The following SYTL2 variants were observed in gnomAD, a reference collection of about 807,000 sequenced individuals.
SYTL2 encodes the protein synaptotagmin-like protein 2.
Under a neutral mutation model 198.7 loss-of-function variants are expected in SYTL2, and 165 were observed. The observed-to-expected ratio is 0.83, with a 90% CI of 0.73 to 0.94. SYTL2 has a LOEUF of 0.94. SYTL2 is among the 40% of genes least tolerant of loss of function. The probability of loss-of-function intolerance (pLI) is 0.00; values close to 1 mark genes in which losing one functional copy is unlikely to be tolerated. For synonymous variants in SYTL2, 966 were observed against 917.7 expected (o/e 1.05, Z -0.95); for missense variants, 2,835 against 2,582.8 (o/e 1.10, Z -2.12).
At chr11:85,814,216 G>C (rs2093058919), upstream of SYTL2, among the ~76,000 whole-genome samples, 2 of 152,178 alleles carry the variant, frequency 1.3e-5, no homozygotes, top group Admixed American at 6.5e-5. Context: ...GCCTCTGCCT[G>C]CCTCTCTGCA....
At chr11:85,718,921 C>A (rs970981069) in intron 9 of SYTL2, 78 bp from the exon 10 acceptor site, 7 of 1,574,568 alleles carry the variant, frequency 4.4e-6, no homozygotes, top group Non-Finnish European at 6.0e-6. Context: ...TCCCTGGAAG[C>A]CCCCGGAGTT....
At chr11:85,791,118 G>A (rs2092722316) in intron 1 of SYTL2, among the ~76,000 whole-genome samples, 1 of 113,038 alleles carries the variant, frequency 8.8e-6, no homozygotes, top group Non-Finnish European at 1.6e-5. Context: ...AATGAGCCAA[G>A]ATCACGCCAC....
At chr11:85,760,468 A>G (rs1451384351) in intron 1 of SYTL2, among the ~76,000 whole-genome samples, 1 of 152,212 alleles carries the variant, frequency 6.6e-6, no homozygotes, top group Admixed American at 6.5e-5. Flanking sequence ...TGATTCAAAT[A>G]TACAATATCA....
In SYTL2 at chr11:85,724,647, GT is replaced by G; in HGVS notation, c.4710del (p.Lys1570AsnfsTer6). On this transcript the variant is annotated frameshift_variant, in exon 8 of 20. Coordinates refer to ENST00000359152, the MANE Select transcript of SYTL2 (RefSeq NM_206927.4). LOFTEE classifies it high-confidence loss of function. ...TESAFDAGFE[K>X]LLKEITEAPP... ...GGAGCTTCAGTTATTTCTTTAAGAAGTTTCTCAAAACCAGCATCAAAAGCAC... is the reference window on the plus strand; with the variant it reads ...GGAGCTTCAGTTATTTCTTTAAGAAGTTCTCAAAACCAGCATCAAAAGCAC... 2 of 1,613,492 alleles carry G rather than the reference GT, an allele frequency of 1.2e-6. No individual in the cohort carries two copies. Among genetic ancestry groups the G allele is most frequent in the Non-Finnish European group, 1.7e-6 (2 of 1,179,842 alleles).
chr11:85,701,213 G>A (rs1160705700), intron 16 of SYTL2, among the ~76,000 whole-genome samples: 3 of 152,114 alleles, frequency 2.0e-5, no homozygotes, highest in Non-Finnish European at 4.4e-5. Context: ...TTTGAAATTC[G>A]TAATATTTGC....
intron 14 of SYTL2, among the ~76,000 whole-genome samples, chr11:85,708,647 T>G (rs1326560290): frequency 6.6e-6 from 1 of 152,198 alleles, no homozygotes; most frequent in East Asian, 1.9e-4. Flanking sequence ...CCTAATTTTG[T>G]AAAAAGTTTG....
chr11:85,757,555 C>A lies in SYTL2; in HGVS notation c.101+70G>T, dbSNP rs554171622. On this transcript the variant is annotated intron_variant, in intron 2 of 19. Coordinates refer to ENST00000359152, the MANE Select transcript of SYTL2 (RefSeq NM_206927.4). ...AACTACCACTTATAGTTGAAAAAAA[C>A]CCCAGTGTCCTATTTTCGTACAGAC... is the stretch of plus-strand genomic sequence containing the variant. The A allele has an allele frequency of 5.8e-5, 90 of 1,547,114 alleles. 1 individual carries two copies. In the African/African-American group the frequency reaches 6.5e-4, roughly 11 times the overall value.
chr11:85,725,565 C>T lies in SYTL2; in HGVS notation c.3793G>A (p.Glu1265Lys), dbSNP rs753514066. The T allele has an allele frequency of 1.9e-6, 3 of 1,614,080 alleles. No homozygotes were observed. The Admixed American group carries it at 5.0e-5, about 27-fold the overall frequency. ...CTCACTGGAAAAGGAGCTAGTATTT[C>T]TCTCTTATCAGCTGAAGTATTGTGA... Reference protein sequence around the residue: ...QSHNTSADKREILAPFPVRDE... With the variant: ...QSHNTSADKRKILAPFPVRDE... The change falls in exon 8 of 20, where the codon GAA becomes AAA. Residue 1265 changes from glutamate to lysine, a missense_variant. By Grantham distance (56) the Glu-to-Lys change is moderately conservative (BLOSUM62 1). This residue lies in a region of SYTL2 where 2,645 missense variants were observed against 2,381.7 expected (regional missense o/e 1.11). Transcript: ENST00000359152.
At chr11:85,812,157 A>C (rs2093043132), upstream of SYTL2, among the ~76,000 whole-genome samples, 1 of 152,198 alleles carries the variant, frequency 6.6e-6, no homozygotes, top group Non-Finnish European at 1.5e-5. Flanking sequence ...TATTTTTTAC[A>C]AGTTACCCAT....
At chr11:85,707,386 G>T (rs756163516) in intron 15 of SYTL2, 43 bp downstream of exon 15, 2 of 1,353,542 alleles carry the variant, frequency 1.5e-6, no homozygotes, top group Non-Finnish European at 2.1e-6. Flanking sequence ...ATGGTAAACA[G>T]GTCACCATCT....
In SYTL2 at chr11:85,731,269, T is replaced by G. The variant is rs530172198; in HGVS notation, c.1390+2670A>C. On this transcript the variant is annotated intron_variant, in intron 7 of 19. Coordinates refer to ENST00000359152, the MANE Select transcript of SYTL2 (RefSeq NM_206927.4). ...ATGTGGAACCAAAAAAGAGGTTGCA[T>G]AGCCAACACGTTCCTAAGCAAAAAG... Among the ~76,000 whole-genome samples, 8 of 152,318 alleles carry G rather than the reference T, an allele frequency of 5.3e-5. No individual in the cohort carries two copies. In the South Asian group the frequency reaches 1.7e-3, roughly 32 times the overall value.
chr11:85,791,188 A>AC (rs2092725476), intron 1 of SYTL2, among the ~76,000 whole-genome samples: 1 of 150,852 alleles, frequency 6.6e-6, no homozygotes, highest in Non-Finnish European at 1.5e-5. Context: ...AAAAAAAAAA[A>AC]AAAAAAACAA....
intron 1 of SYTL2, among the ~76,000 whole-genome samples, chr11:85,759,892 A>G (rs2092045559): frequency 6.6e-6 from 1 of 152,184 alleles, no homozygotes; most frequent in South Asian, 2.1e-4. Context: ...TAACTTCCAT[A>G]CCCCAAGTTA....
At chr11:85,762,177 A>T (rs1170180940) in intron 1 of SYTL2, among the ~76,000 whole-genome samples, 2 of 152,196 alleles carry the variant, frequency 1.3e-5, no homozygotes, top group African/African-American at 4.8e-5. Flanking sequence ...TTCTCTGCTT[A>T]AGTATAAGAG....
At chr11:85,697,564 T>C (rs1190769990) in intron 18 of SYTL2, among the ~76,000 whole-genome samples, 1 of 152,210 alleles carries the variant, frequency 6.6e-6, no homozygotes, top group Non-Finnish European at 1.5e-5. Flanking sequence ...TCCAAATATC[T>C]GCAGTCTCAT....
At chr11:85,794,713 T>C (rs2092778220) in intron 1 of SYTL2, among the ~76,000 whole-genome samples, 1 of 152,132 alleles carries the variant, frequency 6.6e-6, no homozygotes, top group East Asian at 1.9e-4. Context: ...AAAAAATCAT[T>C]ATATTGCTGG....
At chr11:85,718,250 G>A in intron 10 of SYTL2, 1 of 164,012 alleles carries the variant, frequency 6.1e-6, no homozygotes, top group Admixed American at 5.7e-5. Context: ...CCACTGACAA[G>A]CTTCAAGATC....
At chr11:85,815,886 G>A (rs529896133), upstream of SYTL2, among the ~76,000 whole-genome samples, 1 of 152,274 alleles carries the variant, frequency 6.6e-6, no homozygotes, top group South Asian at 2.1e-4. Context: ...AAAACTGGCT[G>A]GGCACGGTGA....
the SYTL2 span, among the ~76,000 whole-genome samples, chr11:85,843,822 C>G: frequency 2.6e-5 from 4 of 152,114 alleles, no homozygotes; most frequent in Non-Finnish European, 2.9e-5. Context: ...AATATTATGT[C>G]CATTTTATAG....
Sources: gnomAD v4.1 joint callset for allele counts (sites outside exome capture counted in the v4.1 genomes callset) on GRCh38, gnomAD v4.1.1 for gene constraint, gnomAD v4.1.1 regional missense constraint, MANE v1.5 for transcripts, NCBI Gene and HGNC (gene_info 2026-07-23, HGNC 2026-07-21) for gene names.